DISP1: variants seen among roughly 807,000 people sequenced by gnomAD.
DISP1 encodes the protein dispatched RND transporter family member 1, also known as protein dispatched homolog 1.
A neutral mutation model predicts 37.3 loss-of-function variants in DISP1; 30 were observed. That is an observed-to-expected ratio of 0.80 (90% confidence interval 0.60 to 1.09). DISP1 has a LOEUF of 1.09. Ranked by LOEUF, DISP1 falls within the 50% of genes least tolerant of loss-of-function variation. DISP1 has a pLI of 0.00. For synonymous variants in DISP1, 634 were observed against 690.2 expected, an observed-to-expected ratio of 0.92 and a Z score of 1.28; for missense variants, 1,598 against 1,879.5, an observed-to-expected ratio of 0.85 and a Z score of 2.77.
intron 4 of DISP1, among the ~76,000 whole-genome samples, chr1:222,984,396 T>G (rs1678068480): frequency 1.2e-5 from 1 of 84,950 alleles, no homozygotes; most frequent in Non-Finnish European, 2.1e-5. Context: ...AGAGCCAGAC[T>G]CTGTCTCAAA....
In DISP1 at chr1:223,005,739, G is replaced by T; in HGVS notation, c.4342G>T (p.Ala1448Ser). The part of the protein sequence containing the change: ...KVELSLSQTD[A>S]SVNSEHFNQN... The stretch of plus-strand genomic sequence containing the variant: ...GGAGCTGAGCTTGTCACAGACGGAT[G>T]CAAGTGTGAACTCAGAACATTTCAA... Residue 1448 changes from alanine (A) to serine (S), a missense_variant, in exon 9 of 9, where the codon GCA becomes TCA. Coordinates refer to ENST00000675850, the MANE Select transcript of DISP1 (RefSeq NM_001377229.1). The T allele has an allele frequency of 2.5e-6, 4 of 1,614,156 alleles. No homozygotes were observed. The South Asian group carries it at 4.4e-5, about 18-fold the overall frequency.
At chr1:222,990,855 C>T (rs1285915894) in intron 5 of DISP1, 107 bp downstream of exon 5, 1 of 1,425,412 alleles carries the variant, frequency 7.0e-7, no homozygotes, top group Admixed American at 1.7e-5. Flanking sequence ...TAAAAACCTT[C>T]TCAAGCAACA....
chr1:222,883,875 A>G (rs1572419970), intron 1 of DISP1, among the ~76,000 whole-genome samples: 1 of 152,252 alleles, frequency 6.6e-6, no homozygotes, highest in Non-Finnish European at 1.5e-5. Context: ...ATACACCTGT[A>G]CAAAAATAGA....
intron 1 of DISP1, among the ~76,000 whole-genome samples, chr1:222,819,454 C>T (rs1361791924): frequency 1.3e-5 from 2 of 151,376 alleles, no homozygotes; most frequent in African/African-American, 4.9e-5. Context: ...ATTTAATGGC[C>T]CCTCCACTCT....
intron 3 of DISP1, among the ~76,000 whole-genome samples, chr1:222,967,686 T>A (rs145879527): frequency 0.016 from 2,404 of 152,322 alleles, 35 homozygotes; most frequent in Non-Finnish European, 0.022. Context: ...AGTCAGGTTC[T>A]GGGAAAACTT....
At chr1:222,817,543 T>A (rs1661550320) in intron 1 of DISP1, among the ~76,000 whole-genome samples, 1 of 152,220 alleles carries the variant, frequency 6.6e-6, no homozygotes, top group East Asian at 1.9e-4. Context: ...GAATATTTGT[T>A]ACAATGGGGA....
At chr1:222,976,644 G>C (rs1677355653) in intron 3 of DISP1, among the ~76,000 whole-genome samples, 1 of 151,966 alleles carries the variant, frequency 6.6e-6, no homozygotes. Flanking sequence ...CAGAAAGACT[G>C]TGATGAATCT....
At chr1:222,833,078 CT>C (rs1666152216) in intron 1 of DISP1, among the ~76,000 whole-genome samples, 1 of 152,036 alleles carries the variant, frequency 6.6e-6, no homozygotes, top group South Asian at 2.1e-4. Context: ...TGTTTGACTT[CT>C]GCGAACACAA....
intron 3 of DISP1, among the ~76,000 whole-genome samples, chr1:222,978,223 G>A (rs1406091132): frequency 6.6e-6 from 1 of 152,176 alleles, no homozygotes; most frequent in Non-Finnish European, 1.5e-5. Context: ...TCTAACTGGT[G>A]TGAGATGGTA....
chr1:222,952,109 ACT>A (rs1223250347), intron 3 of DISP1, among the ~76,000 whole-genome samples: 2 of 152,222 alleles, frequency 1.3e-5, no homozygotes, highest in Non-Finnish European at 1.5e-5. Context: ...TAAATTGTTG[ACT>A]CTCTGGAACT....
chr1:222,973,767 T>C (rs1213085180), intron 3 of DISP1, among the ~76,000 whole-genome samples: 1 of 152,170 alleles, frequency 6.6e-6, no homozygotes, highest in Non-Finnish European at 1.5e-5. Flanking sequence ...TCCTTTTCAT[T>C]TTCAGTTCAC....
At chr1:222,930,927 C>T (rs1016578447) in intron 2 of DISP1, among the ~76,000 whole-genome samples, 1 of 151,858 alleles carries the variant, frequency 6.6e-6, no homozygotes, top group African/African-American at 2.4e-5. Flanking sequence ...GTGATGTTTC[C>T]CAAGTTGCTC....
chr1:222,855,477 G>T (rs564906372), intron 1 of DISP1, among the ~76,000 whole-genome samples: 3 of 152,310 alleles, frequency 2.0e-5, no homozygotes, highest in Non-Finnish European at 4.4e-5. Context: ...AGAAAGCAGT[G>T]TATTTTAGCC....
At chr1:222,877,472 A>G (rs1572405127) in intron 1 of DISP1, among the ~76,000 whole-genome samples, 2 of 152,296 alleles carry the variant, frequency 1.3e-5, no homozygotes, top group Admixed American at 1.3e-4. Context: ...CCATGATTCT[A>G]TTATCTCCTA....
chr1:222,901,779 G>T (rs934094904), intron 1 of DISP1, among the ~76,000 whole-genome samples: 19 of 152,140 alleles, frequency 1.2e-4, no homozygotes, highest in African/African-American at 4.6e-4. Context: ...CACCTGCCTT[G>T]GCCTCCCAAA....
At chr1:222,991,747 G>A (rs750272415) in intron 6 of DISP1, 100 bp downstream of exon 6, 603 of 1,348,740 alleles carry the variant, frequency 4.5e-4, no homozygotes, top group Non-Finnish European at 5.8e-4. Flanking sequence ...TGTAAAATGT[G>A]TGGCTCAAAA....
chr1:222,917,225 A>G (rs1337456148), intron 1 of DISP1, among the ~76,000 whole-genome samples: 1 of 137,308 alleles, frequency 7.3e-6, no homozygotes, highest in African/African-American at 2.6e-5. Context: ...TTAAGTTTTC[A>G]TTTCTGCATT....
chr1:222,935,304 C>T (rs1673652314), intron 2 of DISP1, among the ~76,000 whole-genome samples: 1 of 152,134 alleles, frequency 6.6e-6, no homozygotes, highest in Admixed American at 6.5e-5. Context: ...GTTGGTGATC[C>T]AGTCTTGCCA....
rs1190910014 is a variant in DISP1 at position 223,003,724 on chromosome 1, G to A, written c.2327G>A (p.Arg776His). 8 of 1,614,012 alleles carry A rather than the reference G, an allele frequency of 5.0e-6. No individual in the cohort carries two copies. The highest frequency in any genetic ancestry group is 2.2e-5 in the South Asian group (2 of 91,082). Residue 776 changes from arginine (R) to histidine (H), a missense_variant, in exon 9 of 9, where the codon CGT becomes CAT. Physicochemically the swap from Arg to His is conservative, Grantham distance 29. Coordinates refer to ENST00000675850, the MANE Select transcript of DISP1 (RefSeq NM_001377229.1). This position sits in a 1 kb window ranked among gnomAD's most constrained non-coding sequence, Gnocchi z 4.3. ...TACAAAAAGCTTTTCATGTTTGAAC[G>A]TGTTCACCATGGCGAGGAGCTCCAC... Reference protein sequence around the residue: ...AEYKKLFMFERVHHGEELHMP... With the variant: ...AEYKKLFMFEHVHHGEELHMP...
Sources: gnomAD v4.1 joint callset for allele counts (sites outside exome capture counted in the v4.1 genomes callset) on GRCh38, gnomAD v4.1.1 for gene constraint, Gnocchi (gnomAD v3.1) non-coding constraint, MANE v1.5 for transcripts, NCBI Gene and HGNC (gene_info 2026-07-23, HGNC 2026-07-21) for gene names.